MAMLD1: variants seen among roughly 807,000 people sequenced by gnomAD.
MAMLD1 encodes the protein mastermind-like domain-containing protein 1.
MAMLD1 carries 14 observed loss-of-function variants against 45.0 expected under a neutral mutation model. That is an observed-to-expected ratio of 0.31 (90% confidence interval 0.21 to 0.49). The LOEUF (loss-of-function observed/expected upper bound fraction) is 0.49. MAMLD1 is among the 20% of genes least tolerant of loss of function. The probability of loss-of-function intolerance (pLI) is 0.99; values close to 1 mark genes in which losing one functional copy is unlikely to be tolerated. For missense variants in MAMLD1, 543 were observed against 603.6 expected (o/e 0.90, Z 1.05); for synonymous variants, 254 against 247.8 (o/e 1.02, Z -0.24).
chrX:150,423,531 T>A (rs1557403670), intron 1 of MAMLD1, among the ~76,000 whole-genome samples: 2 of 110,253 alleles, frequency 1.8e-5, no homozygotes, highest in Non-Finnish European at 3.8e-5. Context: ...CTACCAGTAC[T>A]GATGGGGATA....
intron 5 of MAMLD1, among the ~76,000 whole-genome samples, chrX:150,487,994 C>T (rs2037049277): frequency 1.8e-5 from 2 of 112,749 alleles, no homozygotes; most frequent in Non-Finnish European, 1.9e-5. Context: ...AACTATCAAG[C>T]AATCTATATA....
intron 2 of MAMLD1, among the ~76,000 whole-genome samples, chrX:150,456,498 G>A (rs782047577): frequency 3.2e-4 from 36 of 111,428 alleles, no homozygotes; most frequent in Non-Finnish European, 5.8e-4. Context: ...GGATCTGAAG[G>A]TCTAGAAAAG....
chrX:150,509,152 G>A (rs891422673), intron 6 of MAMLD1, among the ~76,000 whole-genome samples: 3 of 111,985 alleles, frequency 2.7e-5, no homozygotes, highest in Non-Finnish European at 5.6e-5. Context: ...GAGACAGGAA[G>A]CTCCTCCCAA....
intron 1 of MAMLD1, among the ~76,000 whole-genome samples, chrX:150,406,937 C>T (rs1027263484): frequency 8.1e-5 from 9 of 111,341 alleles, no homozygotes; most frequent in Admixed American, 4.8e-4. Flanking sequence ...TCGACTATTA[C>T]AGGCGACGGC....
chrX:150,484,791 C>T (rs2036934834), intron 5 of MAMLD1, among the ~76,000 whole-genome samples: 2 of 112,623 alleles, frequency 1.8e-5, no homozygotes, highest in Admixed American at 9.4e-5. Flanking sequence ...GCTAGATTGA[C>T]ATCCAGTTTA....
intron 1 of MAMLD1, among the ~76,000 whole-genome samples, chrX:150,364,748 T>C (rs1557400644): frequency 8.8e-6 from 1 of 113,013 alleles, no homozygotes; most frequent in African/African-American, 3.2e-5. Flanking sequence ...GCGGCTGCGC[T>C]GGAACAAAGG....
chrX:150,482,639 C>G (rs1369736441), intron 5 of MAMLD1, among the ~76,000 whole-genome samples: 1 of 112,558 alleles, frequency 8.9e-6, no homozygotes, highest in Non-Finnish European at 1.9e-5. Flanking sequence ...CTAAAAGAAG[C>G]AGCAAGCTGA....
At position 150,467,036 on chromosome X, in the gene MAMLD1, C is replaced by T. The variant is rs183475502; in HGVS notation, c.172-2709C>T. 8.4e-3 allele frequency among the ~76,000 whole-genome samples: 775 copies of T among 91,810 alleles called. 5 individuals carry two copies. Among genetic ancestry groups the T allele is most frequent in the African/African-American group, 0.031 (744 of 23,752 alleles). The allele number at this position is 91,810 out of a possible 115,157, so 79.7% of individuals were successfully genotyped here. A position where few individuals can be genotyped will look rare whatever the true frequency, so the allele number is the denominator to read the frequency against. On this transcript the variant is annotated intron_variant, in intron 3 of 7. Transcript: ENST00000370401. ...TGGCCTGCCTGGTTCTGCATTGCTT[C>T]GCCATTGTTAAAACTGTCTTGCAGT...
intron 1 of MAMLD1, among the ~76,000 whole-genome samples, chrX:150,367,576 C>T (rs5925514): frequency 0.26 from 29,058 of 110,490 alleles, 3,810 homozygotes; most frequent in African/African-American, 0.51. Context: ...TTTATTATTG[C>T]ACTTTAAGTT....
In MAMLD1 at chrX:150,503,386, G is replaced by A; in HGVS notation, c.2153G>A (p.Ser718Asn). The A allele has an allele frequency of 6.6e-6, 8 of 1,211,664 alleles. No individual in the cohort carries two copies. The highest frequency in any genetic ancestry group is 8.9e-6 in the Non-Finnish European group (8 of 895,143). ...ALGSESFLPG[S>N]SFAHELARVT... The stretch of plus-strand genomic sequence containing the variant: ...GGGAGTGAGTCCTTCCTGCCCGGCA[G>A]CTCCTTTGCTCATGAGCTGGCCCGA... The change falls in exon 6 of 8, where the codon AGC becomes AAC. Residue 718 changes from serine (S) to asparagine (N), a missense_variant. Physicochemically the swap from Ser to Asn is conservative, Grantham distance 46. Coordinates refer to ENST00000370401, the MANE Select transcript of MAMLD1 (RefSeq NM_005491.5).
At chrX:150,421,748 G>C (rs2034523482) in intron 1 of MAMLD1, among the ~76,000 whole-genome samples, 1 of 112,212 alleles carries the variant, frequency 8.9e-6, no homozygotes, top group Non-Finnish European at 1.9e-5. Context: ...GAATAATCTT[G>C]AGCATTGTCC....
At chrX:150,492,747 A>G (rs2037226566) in intron 5 of MAMLD1, among the ~76,000 whole-genome samples, 1 of 112,337 alleles carries the variant, frequency 8.9e-6, no homozygotes, top group African/African-American at 3.2e-5. Flanking sequence ...AACAGTGCAG[A>G]TAGATGCTTT....
intron 2 of MAMLD1, among the ~76,000 whole-genome samples, chrX:150,454,923 C>CTCCA (rs782456581): frequency 2.6e-4 from 29 of 111,109 alleles, no homozygotes; most frequent in African/African-American, 9.2e-4. Flanking sequence ...GTCATTACCA[C>CTCCA]CTCCATCACC....
intron 1 of MAMLD1, among the ~76,000 whole-genome samples, chrX:150,397,806 G>T (rs892369966): frequency 1.3e-4 from 15 of 111,506 alleles, no homozygotes; most frequent in Admixed American, 1.9e-4. Context: ...CATTCTGGAA[G>T]CTATGGTCAT....
rs1339508815 is a variant in MAMLD1, at chrX:150,503,534, T to C, written c.2284+17T>C. On this transcript the variant is annotated intron_variant, in intron 6 of 7. Coordinates refer to ENST00000370401, the MANE Select transcript of MAMLD1 (RefSeq NM_005491.5). The stretch of plus-strand genomic sequence containing the variant: ...ACGCCACAGGTAAGTCACTTCCCCC[T>C]GAGCCTCGCTTTCCTCATCTGTCAA... 7 of 958,832 alleles carry C rather than the reference T, an allele frequency of 7.3e-6. No homozygotes were observed. The highest frequency in any genetic ancestry group is 1.0e-5 in the Non-Finnish European group (7 of 679,789). 79.0% of individuals were successfully genotyped at this position (958,832 alleles called of 1,213,427 possible).
intron 1 of MAMLD1, among the ~76,000 whole-genome samples, chrX:150,387,059 T>G (rs2032969895): frequency 8.9e-6 from 1 of 111,789 alleles, no homozygotes; most frequent in Non-Finnish European, 1.9e-5. Context: ...ACTCTTTTAT[T>G]CCTTACTATA....
intron 1 of MAMLD1, among the ~76,000 whole-genome samples, chrX:150,406,449 C>T (rs1318640262): frequency 9.0e-6 from 1 of 111,507 alleles, no homozygotes; most frequent in Admixed American, 9.5e-5. Context: ...CAAGTAACCC[C>T]ACATCCCAAG....
intron 1 of MAMLD1, among the ~76,000 whole-genome samples, chrX:150,415,332 C>A (rs2124540432): frequency 8.9e-6 from 1 of 112,791 alleles, no homozygotes; most frequent in Admixed American, 9.3e-5. Flanking sequence ...CCATAAACCG[C>A]CAGAGGCATC....
intron 1 of MAMLD1, among the ~76,000 whole-genome samples, chrX:150,419,558 A>G (rs1193311662): frequency 9.3e-6 from 1 of 107,019 alleles, no homozygotes; most frequent in African/African-American, 3.4e-5. Context: ...TTTTGGCATG[A>G]TTTTGCAGCG....
Sources: gnomAD v4.1 joint callset for allele counts (sites outside exome capture counted in the v4.1 genomes callset) on GRCh38, gnomAD v4.1.1 for gene constraint, MANE v1.5 for transcripts, NCBI Gene and HGNC (gene_info 2026-07-23, HGNC 2026-07-21) for gene names.